Variants in PIWIL1 observed in about 807,000 individuals in gnomAD.
PIWIL1 encodes the protein piwi-like protein 1.
PIWIL1 carries 73 observed loss-of-function variants against 114.4 expected under a neutral mutation model. The observed-to-expected ratio is 0.64, with a 90% CI of 0.53 to 0.78. The LOEUF is 0.78. Among genes scored for constraint, PIWIL1 ranks in the 30% least tolerant of loss-of-function variants. The probability of loss-of-function intolerance (pLI) is 0.00; values close to 1 mark genes in which losing one functional copy is unlikely to be tolerated. For missense variants in PIWIL1, 723 were observed against 1,063.1 expected, an observed-to-expected ratio of 0.68 and a Z score of 4.45; for synonymous variants, 375 against 369.0, an observed-to-expected ratio of 1.02 and a Z score of -0.19.
Position 130,354,694 on chromosome 12 carries a change from A to G in PIWIL1, c.1171+31A>G. 5 of 1,547,434 alleles carry G rather than the reference A, an allele frequency of 3.2e-6. No individual in the cohort carries two copies. The South Asian group carries it at 5.0e-5, about 16-fold the overall frequency. On this transcript the variant is annotated intron_variant, in intron 10 of 20. Transcript: ENST00000245255. Reference sequence around the variant, plus strand: ...GTTGCATTTCATTTACTCGGAAGGAAGCCACTGGATTTACCCTTTCTTTCC... The same window carrying G: ...GTTGCATTTCATTTACTCGGAAGGAGGCCACTGGATTTACCCTTTCTTTCC...
In PIWIL1 at chr12:130,363,090, A is replaced by G. The variant is rs1286020142; in HGVS notation, c.2141A>G (p.Asn714Ser). 3 of 1,614,126 alleles carry G rather than the reference A, an allele frequency of 1.9e-6. No homozygotes were observed. Among genetic ancestry groups the G allele is most frequent in the Non-Finnish European group, 2.5e-6 (3 of 1,180,036 alleles). The change falls in exon 18 of 21, where the codon AAC becomes AGC. Residue 714 changes from asparagine (N) to serine (S), a missense_variant. Physicochemically the swap from Asn to Ser is conservative, Grantham distance 46. This residue lies in a region of PIWIL1 where 106 missense variants were observed against 182.8 expected (regional missense o/e 0.58). Coordinates refer to ENST00000245255, the MANE Select transcript of PIWIL1 (RefSeq NM_004764.5). ...VGDGQLKTLV[N>S]YEVPQFLDCL... ...GACGGCCAGCTGAAAACACTGGTGA[A>G]CTACGAAGTGCCACAGTTTTTGGAT...
the PIWIL1 span, among the ~76,000 whole-genome samples, chr12:130,418,672 G>A: frequency 6.6e-6 from 1 of 152,334 alleles, no homozygotes; most frequent in South Asian, 2.1e-4. Context: ...AGAGGGGTCA[G>A]GGGCTAAGGT....
rs554431176 is a variant in PIWIL1 at position 130,356,071 on chromosome 12, G to A, written c.1404+404G>A. On this transcript the variant is annotated intron_variant, in intron 12 of 20. Coordinates refer to ENST00000245255, the MANE Select transcript of PIWIL1 (RefSeq NM_004764.5). ...ATTTTTTTTTTTTTCAATAACTTGA[G>A]CTAAAGTGTAGAATCCTAACTATCT... Among the ~76,000 whole-genome samples the A allele has an allele frequency of 9.9e-5, 15 of 151,578 alleles. No homozygotes were observed. In the South Asian group the frequency reaches 2.9e-3, roughly 29 times the overall value.
At chr12:130,367,039 T>C in intron 18 of PIWIL1, 94 bp from the exon 19 acceptor site, 1 of 1,431,052 alleles carries the variant, frequency 7.0e-7, no homozygotes, top group South Asian at 1.2e-5. Flanking sequence ...GAGGGATGTG[T>C]TCCTTTTTAA....
the PIWIL1 span, among the ~76,000 whole-genome samples, chr12:130,404,072 CAATT>C: frequency 6.6e-6 from 1 of 151,936 alleles, no homozygotes; most frequent in African/African-American, 2.4e-5. Context: ...ATTAGTAAGA[CAATT>C]AAAAATGATG....
chr12:130,341,157 T>G (rs2072908968), intron 1 of PIWIL1, among the ~76,000 whole-genome samples: 1 of 152,168 alleles, frequency 6.6e-6, no homozygotes, highest in Non-Finnish European at 1.5e-5. Context: ...ATGTGTTGAG[T>G]ATCCAAGCTG....
At chr12:130,383,994 A>T in the PIWIL1 span, 218 of 152,310 alleles carry the variant, frequency 1.4e-3, 1 homozygote, top group African/African-American at 5.2e-3. Context: ...CTTTTGTGTC[A>T]TGACATGTCT....
At chr12:130,424,249 C>T in the PIWIL1 span, 81 of 1,231,878 alleles carry the variant, frequency 6.6e-5, no homozygotes, top group Admixed American at 5.1e-4. This position sits in a 1 kb window ranked among gnomAD's most constrained non-coding sequence, Gnocchi z 9.8. Flanking sequence ...TCTTGGTGCT[C>T]GGTGGGCTCG....
chr12:130,399,552 A>C, the PIWIL1 span: 14 of 1,095,758 alleles, frequency 1.3e-5, no homozygotes, highest in South Asian at 2.5e-4. Flanking sequence ...TTCAGGGCAG[A>C]GAAAAAAAAT....
chr12:130,400,471 C>A, the PIWIL1 span, among the ~76,000 whole-genome samples: 1 of 152,184 alleles, frequency 6.6e-6, no homozygotes, highest in Non-Finnish European at 1.5e-5. Flanking sequence ...ATCCATGAGT[C>A]CATCTGCCTG....
At chr12:130,406,058 C>A in the PIWIL1 span, 2 of 681,726 alleles carry the variant, frequency 2.9e-6, no homozygotes, top group South Asian at 1.8e-5. Flanking sequence ...TATCAGCAGG[C>A]GTATGACGTT....
chr12:130,384,854 A>T, the PIWIL1 span, among the ~76,000 whole-genome samples: 12,253 of 151,016 alleles, frequency 0.081, 691 homozygotes, highest in South Asian at 0.2. Context: ...TGACTTTTTT[A>T]AAAAATAAAA....
At chr12:130,370,149 A>G (rs2073778761) in intron 19 of PIWIL1, among the ~76,000 whole-genome samples, 1 of 151,978 alleles carries the variant, frequency 6.6e-6, no homozygotes. Context: ...ACTAGTTTTG[A>G]TGGGCATAAT....
chr12:130,407,800 A>G, the PIWIL1 span: 2 of 1,613,962 alleles, frequency 1.2e-6, no homozygotes, highest in Non-Finnish European at 1.7e-6. Context: ...GTCGATACCG[A>G]ATGACGCCTG....
At chr12:130,394,335 G>GCAA in the PIWIL1 span, among the ~76,000 whole-genome samples, 2 of 152,356 alleles carry the variant, frequency 1.3e-5, no homozygotes, top group Admixed American at 1.3e-4. Context: ...GAGTCCGACT[G>GCAA]CAACAGTGAG....
intron 19 of PIWIL1, among the ~76,000 whole-genome samples, chr12:130,369,143 C>T (rs572042454): frequency 6.6e-5 from 10 of 152,192 alleles, no homozygotes; most frequent in South Asian, 2.1e-4. Context: ...TGAGAACATG[C>T]GGTGTTAAGT....
At chr12:130,404,011 A>G in the PIWIL1 span, among the ~76,000 whole-genome samples, 1 of 152,260 alleles carries the variant, frequency 6.6e-6, no homozygotes, top group Admixed American at 6.5e-5. Flanking sequence ...ACTAAAATAC[A>G]TAACGAGTCA....
chr12:130,352,573 C>T (rs541199591), intron 9 of PIWIL1, among the ~76,000 whole-genome samples: 10 of 152,106 alleles, frequency 6.6e-5, no homozygotes, highest in Admixed American at 5.2e-4. Context: ...CAGCTACTCG[C>T]GAGGCTGAGG....
chr12:130,383,421 A>G, the PIWIL1 span: 1 of 152,198 alleles, frequency 6.6e-6, no homozygotes, highest in Non-Finnish European at 1.5e-5. Flanking sequence ...TGGGGATCGA[A>G]TAGCTGTATC....
Sources: allele counts gnomAD v4.1 joint callset (sites outside exome capture counted in the v4.1 genomes callset), GRCh38; gene constraint gnomAD v4.1.1; regional missense constraint gnomAD v4.1.1; non-coding constraint Gnocchi (gnomAD v3.1); transcripts MANE v1.5; gene names NCBI Gene and HGNC (gene_info 2026-07-23, HGNC 2026-07-21).